TBCK: variants seen among roughly 807,000 people sequenced by gnomAD.
TBCK encodes the protein TBC domain-containing protein kinase-like protein.
TBCK carries 99 observed loss-of-function variants against 113.4 expected under a neutral mutation model. The observed-to-expected ratio is 0.87, with a 90% confidence interval of 0.74 to 1.03. The LOEUF is 1.03. TBCK is among the 50% of genes least tolerant of loss of function. The probability of loss-of-function intolerance (pLI) is 0.00; values close to 1 mark genes in which losing one functional copy is unlikely to be tolerated. For missense variants in TBCK, 1,045 were observed against 1,061.3 expected (o/e 0.98, Z 0.21); for synonymous variants, 369 against 370.8 (o/e 1.00, Z 0.05).
At chr4:106,312,160 A>T (rs1043271840) in intron 1 of TBCK, among the ~76,000 whole-genome samples, 1 of 152,106 alleles carries the variant, frequency 6.6e-6, no homozygotes, top group Non-Finnish European at 1.5e-5. Context: ...TATTATTTAC[A>T]TCTGTCTGTA....
At chr4:106,272,028 C>T (rs958166373) in intron 3 of TBCK, among the ~76,000 whole-genome samples, 2 of 152,052 alleles carry the variant, frequency 1.3e-5, no homozygotes, top group African/African-American at 4.8e-5. Context: ...GATGATGAAC[C>T]ACACTTTGAG....
At chr4:106,309,305 CTTTTT>C (rs536969885) in intron 1 of TBCK, among the ~76,000 whole-genome samples, 4 of 103,160 alleles carry the variant, frequency 3.9e-5, no homozygotes, top group Admixed American at 2.3e-4. Flanking sequence ...AGGCTCTTCT[CTTTTT>C]TTTTTTTTTT....
intron 20 of TBCK, among the ~76,000 whole-genome samples, chr4:106,212,127 ATTAAT>A (rs1363323739): frequency 2.0e-5 from 3 of 152,238 alleles, no homozygotes; most frequent in South Asian, 2.1e-4. Context: ...AACTTTTGTT[ATTAAT>A]TTATTTTCCT....
At chr4:106,237,848 G>C (rs904552760) in intron 12 of TBCK, among the ~76,000 whole-genome samples, 2 of 151,950 alleles carry the variant, frequency 1.3e-5, no homozygotes, top group African/African-American at 4.8e-5. Context: ...TCTTTTTAAA[G>C]ATTAGTTTTC....
Position 106,141,266 on chromosome 4 carries a change from G to A in TBCK, c.2236-24888C>T, listed in dbSNP as rs771943071. Reference sequence around the variant, plus strand: ...TTTGTAGATGATAAATAGAAAATTTGAATCAAATGAAAAATAATTACAAAT... The same window carrying A: ...TTTGTAGATGATAAATAGAAAATTTAAATCAAATGAAAAATAATTACAAAT... On this transcript the variant is annotated intron_variant, in intron 23 of 25. Coordinates refer to ENST00000394708, the MANE Select transcript of TBCK (RefSeq NM_001163435.3). Among the ~76,000 whole-genome samples the A allele has an allele frequency of 1.4e-5, 2 of 140,086 alleles. 1 individual carries two copies. The highest frequency in any genetic ancestry group is 3.2e-5 in the Non-Finnish European group (2 of 61,684). The allele number at this position is 140,086 out of a possible 152,430, so 91.9% of individuals were successfully genotyped here.
intron 12 of TBCK, among the ~76,000 whole-genome samples, chr4:106,240,343 G>A (rs1759954332): frequency 6.6e-6 from 1 of 151,024 alleles, no homozygotes; most frequent in South Asian, 2.1e-4. Flanking sequence ...TAGACGCTCA[G>A]CAAAAATAAT....
At chr4:106,292,158 G>C (rs1282160190) in intron 3 of TBCK, among the ~76,000 whole-genome samples, 1 of 152,148 alleles carries the variant, frequency 6.6e-6, no homozygotes, top group African/African-American at 2.4e-5. Context: ...CAAAAAGGTT[G>C]CTTCTAAATG....
At chr4:106,255,784 T>C (rs975423312) in intron 5 of TBCK, among the ~76,000 whole-genome samples, 1 of 152,164 alleles carries the variant, frequency 6.6e-6, no homozygotes, top group Non-Finnish European at 1.5e-5. Context: ...CAAATTCTTG[T>C]CCTGCATCCA....
At chr4:106,301,835 G>GAATCAA (rs1157227369) in intron 2 of TBCK, among the ~76,000 whole-genome samples, 1 of 152,128 alleles carries the variant, frequency 6.6e-6, no homozygotes, top group African/African-American at 2.4e-5. Flanking sequence ...AGGAAAAGTA[G>GAATCAA]AATCAAAATC....
chr4:106,212,258 A>G (rs1756235551), intron 20 of TBCK, among the ~76,000 whole-genome samples: 1 of 152,150 alleles, frequency 6.6e-6, no homozygotes, highest in Non-Finnish European at 1.5e-5. Flanking sequence ...GCTTGATTCT[A>G]TGTGACAAAC....
intron 24 of TBCK, among the ~76,000 whole-genome samples, chr4:106,096,937 A>C (rs1415409571): frequency 6.6e-6 from 1 of 152,206 alleles, no homozygotes; most frequent in Non-Finnish European, 1.5e-5. Flanking sequence ...CATTCAGTGA[A>C]TACTGTATTT....
intron 2 of TBCK, among the ~76,000 whole-genome samples, chr4:106,305,483 AC>A (rs1767419287): frequency 6.6e-6 from 1 of 151,604 alleles, no homozygotes; most frequent in Non-Finnish European, 1.5e-5. Flanking sequence ...TCCCACCAAA[AC>A]CTTTTATATA....
intron 3 of TBCK, among the ~76,000 whole-genome samples, chr4:106,264,241 A>C: frequency 1.0e-4 from 1 of 10,028 alleles, no homozygotes; most frequent in East Asian, 4.2e-4. Context: ...TGATTAAATG[A>C]AGAAAAAAAA....
rs974113533 is a variant in TBCK at position 106,045,729 on chromosome 4, C to T, written c.*841G>A. 2 of 152,054 alleles carry T rather than the reference C, an allele frequency of 1.3e-5. No individual in the cohort carries two copies. Among genetic ancestry groups the T allele is most frequent in the Admixed American group, 1.3e-4 (2 of 15,248 alleles). The allele number at this position is 152,054 out of a possible 1,614,324, so 9.4% of individuals were successfully genotyped here. ...TTCTCTTCATCCCCTCCCTCCTTCC[C>T]TCATTCTCTTCCTTCTAGATAGCAG... On this transcript the variant is annotated 3_prime_UTR_variant, in exon 26 of 26. Coordinates refer to ENST00000394708, the MANE Select transcript of TBCK (RefSeq NM_001163435.3).
intron 25 of TBCK, among the ~76,000 whole-genome samples, chr4:106,055,585 A>T (rs1476218648): frequency 6.7e-6 from 1 of 150,220 alleles, no homozygotes; most frequent in Non-Finnish European, 1.5e-5. Context: ...CATATATATA[A>T]TTTTTTTTCT....
At chr4:106,208,275 C>G (rs185896123) in intron 20 of TBCK, among the ~76,000 whole-genome samples, 2 of 152,282 alleles carry the variant, frequency 1.3e-5, no homozygotes, top group African/African-American at 4.8e-5. Context: ...TCATACATAT[C>G]TACAGAATGT....
intron 25 of TBCK, among the ~76,000 whole-genome samples, chr4:106,083,753 C>G (rs530093821): frequency 6.6e-6 from 1 of 152,136 alleles, no homozygotes; most frequent in African/African-American, 2.4e-5. Flanking sequence ...CTTTGCTGGT[C>G]TCCAGCCTCC....
intron 3 of TBCK, among the ~76,000 whole-genome samples, chr4:106,282,832 T>C (rs1042262369): frequency 1.2e-4 from 19 of 152,054 alleles, no homozygotes; most frequent in Admixed American, 4.6e-4. Context: ...CAGAAACACA[T>C]GACAAGAAAT....
intron 3 of TBCK, among the ~76,000 whole-genome samples, chr4:106,292,524 C>G (rs1765833432): frequency 6.7e-6 from 1 of 150,186 alleles, no homozygotes; most frequent in South Asian, 2.1e-4. Context: ...GAGCCAAGAT[C>G]ACGCCACTGC....
Sources: allele counts gnomAD v4.1 joint callset (sites outside exome capture counted in the v4.1 genomes callset), GRCh38; gene constraint gnomAD v4.1.1; transcripts MANE v1.5; gene names NCBI Gene and HGNC (gene_info 2026-07-23, HGNC 2026-07-21).